CNTLN: variants seen among roughly 807,000 people sequenced by gnomAD.
CNTLN encodes centlein, also known as centlein, centrosomal protein.
In CNTLN, 212 loss-of-function variants were observed where a neutral mutation model predicts 180.0. The observed-to-expected ratio is 1.18, with a 90% CI of 1.05 to 1.32. The LOEUF (loss-of-function observed/expected upper bound fraction) is 1.32, where lower values mean the gene tolerates loss of function less well. Among genes scored for constraint, CNTLN ranks in the 40% most tolerant of loss-of-function variants. The pLI is 0.00. For missense variants in CNTLN, 2,095 were observed against 1,610.9 expected (o/e 1.30, Z -5.14); for synonymous variants, 722 against 563.1 (o/e 1.28, Z -3.99).
At chr9:17,222,875 A>C (rs1824234923) in intron 2 of CNTLN, among the ~76,000 whole-genome samples, 1 of 151,778 alleles carries the variant, frequency 6.6e-6, no homozygotes, top group African/African-American at 2.4e-5. Flanking sequence ...TTATCTTACT[A>C]ATCTATAAAT....
intron 7 of CNTLN, among the ~76,000 whole-genome samples, chr9:17,307,453 A>G (rs759655126): frequency 8.6e-5 from 13 of 152,026 alleles, no homozygotes; most frequent in Non-Finnish European, 1.6e-4. Flanking sequence ...TATTTTTGGT[A>G]GAGACGGGGA....
intron 5 of CNTLN, among the ~76,000 whole-genome samples, chr9:17,248,578 A>G (rs1825943562): frequency 6.7e-6 from 1 of 148,270 alleles, no homozygotes; most frequent in Non-Finnish European, 1.5e-5. Context: ...TAGAATATAT[A>G]CTAAATAAAT....
intron 5 of CNTLN, among the ~76,000 whole-genome samples, chr9:17,269,959 G>A (rs1736232800): frequency 6.6e-6 from 1 of 152,032 alleles, no homozygotes; most frequent in South Asian, 2.1e-4. Flanking sequence ...TATTGTAAAT[G>A]TTTAGTTTTA....
In CNTLN at chr9:17,502,584, C is replaced by A; in HGVS notation, c.4153C>A (p.Leu1385Met). The A allele has an allele frequency of 7.1e-7, 1 of 1,401,680 alleles. No homozygotes were observed. Among genetic ancestry groups the A allele is most frequent in the Non-Finnish European group, 9.7e-7 (1 of 1,025,812 alleles). 86.8% of individuals were successfully genotyped at this position (1,401,680 alleles called of 1,614,324 possible). ...PFASYLLEAV[L>M]EKINEKKKLV... ...TGCCTCATATTTACTAGAAGCAGTACTGGAAAAAATAAATGAAAAAAAGAA... is the reference window on the plus strand; with the variant it reads ...TGCCTCATATTTACTAGAAGCAGTAATGGAAAAAATAAATGAAAAAAAGAA... The change falls in exon 26 of 26, where the codon CTG becomes ATG. Residue 1385 changes from leucine to methionine, a missense_variant. Leu to Met is a conservative substitution (Grantham distance 15, BLOSUM62 2). Coordinates refer to ENST00000380647, the MANE Select transcript of CNTLN (RefSeq NM_017738.4).
intron 12 of CNTLN, among the ~76,000 whole-genome samples, chr9:17,359,335 C>A (rs1050735059): frequency 4.6e-5 from 7 of 151,856 alleles, no homozygotes; most frequent in African/African-American, 1.7e-4. Flanking sequence ...TTAAACCAGG[C>A]ATAAAAAGCA....
intron 5 of CNTLN, among the ~76,000 whole-genome samples, chr9:17,270,493 A>G (rs138826908): frequency 3.3e-5 from 5 of 152,296 alleles, no homozygotes; most frequent in East Asian, 1.9e-4. Flanking sequence ...TCTTTCTTCA[A>G]TACTAGTATA....
At chr9:17,352,209 C>G (rs762204544) in intron 12 of CNTLN, among the ~76,000 whole-genome samples, 1 of 151,770 alleles carries the variant, frequency 6.6e-6, no homozygotes, top group South Asian at 2.1e-4. Context: ...TGGCATAGCT[C>G]GGATTGGAGT....
chr9:17,465,862 C>T, intron 21 of CNTLN, 119 bp from the exon 22 acceptor site: 5 of 690,554 alleles, frequency 7.2e-6, no homozygotes, highest in East Asian at 3.0e-5. Context: ...AATTTGATAG[C>T]GTTATGAGAA....
chr9:17,256,415 C>T (rs576951990), intron 5 of CNTLN, among the ~76,000 whole-genome samples: 3 of 151,988 alleles, frequency 2.0e-5, no homozygotes, highest in Non-Finnish European at 4.4e-5. Context: ...CACAGCTTCT[C>T]CAACATCTGT....
At chr9:17,203,269 T>A (rs1234908287) in intron 2 of CNTLN, among the ~76,000 whole-genome samples, 1 of 152,210 alleles carries the variant, frequency 6.6e-6, no homozygotes, top group Non-Finnish European at 1.5e-5. Flanking sequence ...GCACTTAACA[T>A]TTTTTCCTTC....
At position 17,403,130 on chromosome 9, in the gene CNTLN, A is replaced by C. The variant is rs570894488; in HGVS notation, c.2616-6163A>C. Among the ~76,000 whole-genome samples the C allele has an allele frequency of 2.6e-5, 4 of 151,826 alleles. No individual in the cohort carries two copies. The East Asian group carries it at 7.7e-4, about 29-fold the overall frequency. ...GGAAGGTTGGTGGAAGATTGGTGGC[A>C]GGAAGGTCTGTGGGGAGGTTCGTGG... is the stretch of plus-strand genomic sequence containing the variant. On this transcript the variant is annotated intron_variant, in intron 15 of 25. Transcript: ENST00000380647.
chr9:17,266,504 T>G (rs1198601165), intron 5 of CNTLN, among the ~76,000 whole-genome samples: 1 of 152,140 alleles, frequency 6.6e-6, no homozygotes, highest in East Asian at 1.9e-4. Flanking sequence ...CTGAATAAAA[T>G]GTATATTCTG....
intron 5 of CNTLN, among the ~76,000 whole-genome samples, chr9:17,243,726 A>G (rs1203527885): frequency 1.3e-5 from 2 of 152,206 alleles, no homozygotes; most frequent in Non-Finnish European, 2.9e-5. Flanking sequence ...TTTATGGTGA[A>G]CATATGGCCT....
At chr9:17,376,292 C>G (rs1824748894) in intron 13 of CNTLN, among the ~76,000 whole-genome samples, 1 of 151,816 alleles carries the variant, frequency 6.6e-6, no homozygotes. Flanking sequence ...AAATTAATGA[C>G]TTTATGTTTT....
intron 10 of CNTLN, among the ~76,000 whole-genome samples, chr9:17,334,290 C>A (rs766637140): frequency 6.6e-6 from 1 of 151,934 alleles, no homozygotes; most frequent in Non-Finnish European, 1.5e-5. Flanking sequence ...AAACTCCTGA[C>A]CTCAAATGAT....
At chr9:17,262,888 T>A (rs1200470482) in intron 5 of CNTLN, among the ~76,000 whole-genome samples, 1 of 151,284 alleles carries the variant, frequency 6.6e-6, no homozygotes, top group East Asian at 1.9e-4. Context: ...GTTCCGTCAA[T>A]ACCTAGTTTG....
intron 3 of CNTLN, among the ~76,000 whole-genome samples, chr9:17,233,242 C>T (rs1165748452): frequency 6.6e-6 from 1 of 151,700 alleles, no homozygotes; most frequent in African/African-American, 2.4e-5. Flanking sequence ...AAGTAAGTTT[C>T]GTATAAGTTA....
At chr9:17,518,125 G>A in the CNTLN span, among the ~76,000 whole-genome samples, 27 of 119,156 alleles carry the variant, frequency 2.3e-4, no homozygotes, top group East Asian at 1.2e-3. Context: ...TCGGCTCACC[G>A]CAACCTCTGC....
chr9:17,502,493 G>GT, intron 25 of CNTLN, 58 bp from the exon 26 acceptor site: 1 of 806,252 alleles, frequency 1.2e-6, no homozygotes, highest in South Asian at 1.8e-5. Context: ...TATTTAGTAT[G>GT]TTTTTGAACT....
Sources: allele counts gnomAD v4.1 joint callset (sites outside exome capture counted in the v4.1 genomes callset), GRCh38; gene constraint gnomAD v4.1.1; transcripts MANE v1.5; gene names NCBI Gene and HGNC (gene_info 2026-07-23, HGNC 2026-07-21).